Variants in TXNL1 observed in about 807,000 individuals in gnomAD.
TXNL1 encodes the protein thioredoxin-like protein 1.
In TXNL1, 14 loss-of-function variants were observed where a neutral mutation model predicts 35.5. The observed-to-expected ratio is 0.39, with a 90% CI of 0.26 to 0.62. The LOEUF (loss-of-function observed/expected upper bound fraction) is 0.62. Among genes scored for constraint, TXNL1 ranks in the 20% least tolerant of loss-of-function variants. TXNL1 has a pLI of 0.47. For missense variants in TXNL1, 263 were observed against 349.7 expected, an observed-to-expected ratio of 0.75 and a Z score of 1.98; for synonymous variants, 110 against 115.5, an observed-to-expected ratio of 0.95 and a Z score of 0.31.
intron 7 of TXNL1, chr18:56,608,385 T>C (rs572406214): frequency 6.6e-6 from 1 of 152,298 alleles, no homozygotes; most frequent in East Asian, 1.9e-4. Context: ...ACAAATGTCA[T>C]TCAGAAATAT....
chr18:56,636,009 T>C (rs1050928601), intron 1 of TXNL1, among the ~76,000 whole-genome samples: 5 of 152,214 alleles, frequency 3.3e-5, no homozygotes, highest in Admixed American at 1.3e-4. Context: ...CAATTTTTTT[T>C]CTCCAAATAT....
At chr18:56,611,775 C>T (rs2023996000) in intron 6 of TXNL1, among the ~76,000 whole-genome samples, 1 of 151,188 alleles carries the variant, frequency 6.6e-6, no homozygotes, top group African/African-American at 2.4e-5. Flanking sequence ...CTCACTGCAA[C>T]CTCCGCCTCC....
intron 1 of TXNL1, among the ~76,000 whole-genome samples, chr18:56,632,172 T>C (rs754534963): frequency 6.6e-6 from 1 of 152,216 alleles, no homozygotes; most frequent in African/African-American, 2.4e-5. Context: ...AAATTCCATT[T>C]CATGAACTAG....
intron 1 of TXNL1, among the ~76,000 whole-genome samples, chr18:56,634,206 C>T (rs1447507857): frequency 1.3e-5 from 2 of 151,968 alleles, no homozygotes; most frequent in African/African-American, 4.8e-5. Context: ...AAATGAATTG[C>T]AGGCAGAGGT....
chr18:56,629,181 T>C (rs541436876), intron 1 of TXNL1, among the ~76,000 whole-genome samples: 34 of 152,328 alleles, frequency 2.2e-4, no homozygotes, highest in South Asian at 1.7e-3. Context: ...ATGTTTGTAA[T>C]AGTAAAGTTA....
intron 5 of TXNL1, among the ~76,000 whole-genome samples, chr18:56,615,827 C>T (rs916270496): frequency 6.6e-6 from 1 of 152,138 alleles, no homozygotes; most frequent in African/African-American, 2.4e-5. Context: ...CATTCATTTA[C>T]ATCTTGCTTC....
At chr18:56,624,259 A>G in intron 3 of TXNL1, 29 bp downstream of exon 3, 1 of 1,597,144 alleles carries the variant, frequency 6.3e-7, no homozygotes, top group Non-Finnish European at 8.5e-7. Context: ...GATATTATAC[A>G]TTATGATTTC....
At chr18:56,607,730 C>T (rs1448882145) in intron 7 of TXNL1, among the ~76,000 whole-genome samples, 2 of 152,038 alleles carry the variant, frequency 1.3e-5, no homozygotes, top group African/African-American at 4.8e-5. Flanking sequence ...GTGGCAGGCG[C>T]CTGTAATCCT....
intron 3 of TXNL1, among the ~76,000 whole-genome samples, chr18:56,620,989 T>A (rs1242855825): frequency 6.6e-6 from 1 of 152,238 alleles, no homozygotes; most frequent in Non-Finnish European, 1.5e-5. Context: ...CGGAGCATTA[T>A]GAACATTTGC....
intron 1 of TXNL1, 41 bp from the exon 2 acceptor site, chr18:56,626,498 T>G: frequency 6.6e-7 from 1 of 1,521,684 alleles, no homozygotes; most frequent in South Asian, 1.2e-5. Context: ...CACTAAAGAT[T>G]GTAATTCTAA....
In TXNL1 at chr18:56,598,710, G is replaced by A. The variant is rs2023773464; in HGVS notation, c.*4317C>T. 2 of 152,230 alleles carry A rather than the reference G, an allele frequency of 1.3e-5. No individual in the cohort carries two copies. Among genetic ancestry groups the A allele is most frequent in the Admixed American group, 1.3e-4 (2 of 15,280 alleles). The allele number at this position is 152,230 out of a possible 1,614,324, so 9.4% of individuals were successfully genotyped here. A position where few individuals can be genotyped will look rare whatever the true frequency, so the allele number is the denominator to read the frequency against. On this transcript the variant is annotated 3_prime_UTR_variant, in exon 8 of 8. Coordinates refer to ENST00000217515, the MANE Select transcript of TXNL1 (RefSeq NM_004786.3). Reference sequence around the variant, plus strand: ...AATGATGGCCTAAAAAGCAGTGACAGCTGAGAGCAGGATACAGAAGATACT... The same window carrying A: ...AATGATGGCCTAAAAAGCAGTGACAACTGAGAGCAGGATACAGAAGATACT...
chr18:56,604,280 A>G (rs1011783552), intron 7 of TXNL1, among the ~76,000 whole-genome samples: 1 of 152,218 alleles, frequency 6.6e-6, no homozygotes, highest in African/African-American at 2.4e-5. Flanking sequence ...ATCACAAGTA[A>G]ATTTTGTGCT....
intron 7 of TXNL1, among the ~76,000 whole-genome samples, chr18:56,607,349 A>C (rs2144281220): frequency 6.7e-6 from 1 of 149,208 alleles, no homozygotes; most frequent in Admixed American, 6.7e-5. Flanking sequence ...ATAGAGATGG[A>C]GTCTTACTAT....
intron 7 of TXNL1, chr18:56,609,658 A>G (rs987609872): frequency 6.6e-6 from 1 of 152,264 alleles, no homozygotes; most frequent in Non-Finnish European, 1.5e-5. Context: ...GGCACACTTA[A>G]AGCCAAGTCC....
At chr18:56,615,626 T>A (rs909018845) in intron 5 of TXNL1, among the ~76,000 whole-genome samples, 1 of 152,124 alleles carries the variant, frequency 6.6e-6, no homozygotes, top group African/African-American at 2.4e-5. Context: ...ATAAAAGGAA[T>A]TTGAAATAAA....
At chr18:56,626,492 A>G in intron 1 of TXNL1, 35 bp from the exon 2 acceptor site, 2 of 1,538,262 alleles carry the variant, frequency 1.3e-6, no homozygotes, top group East Asian at 2.2e-5. Context: ...AAATAACACT[A>G]AAGATTGTAA....
chr18:56,612,510 A>G (rs1166834841), intron 6 of TXNL1, among the ~76,000 whole-genome samples: 1 of 152,124 alleles, frequency 6.6e-6, no homozygotes, highest in African/African-American at 2.4e-5. Flanking sequence ...TAAAAACACA[A>G]TATTCTAGGT....
intron 7 of TXNL1, chr18:56,609,756 T>A (rs1272602458): frequency 6.6e-6 from 1 of 152,206 alleles, no homozygotes; most frequent in Non-Finnish European, 1.5e-5. Flanking sequence ...TTTCATATCG[T>A]AAAAATGTAG....
At position 56,598,077 on chromosome 18, in the gene TXNL1, C is replaced by T. The variant is rs1233446770; in HGVS notation, c.*4950G>A. 1 of 152,228 alleles carries T rather than the reference C, an allele frequency of 6.6e-6. No individual in the cohort carries two copies. The highest frequency in any genetic ancestry group is 1.5e-5 in the Non-Finnish European group (1 of 68,038). The allele number at this position is 152,228 out of a possible 1,614,324, so 9.4% of individuals were successfully genotyped here. Reference sequence around the variant, plus strand: ...GAATGTCTCTTACACTTAACTCCCACTCTATGAACACACTATGCACTTTTC... The same window carrying T: ...GAATGTCTCTTACACTTAACTCCCATTCTATGAACACACTATGCACTTTTC... On this transcript the variant is annotated 3_prime_UTR_variant, in exon 8 of 8. Transcript: ENST00000217515.
Sources: allele counts gnomAD v4.1 joint callset (sites outside exome capture counted in the v4.1 genomes callset), GRCh38; gene constraint gnomAD v4.1.1; transcripts MANE v1.5; gene names NCBI Gene and HGNC (gene_info 2026-07-23, HGNC 2026-07-21).